Variants in CALD1 observed in about 807,000 individuals in gnomAD.
The protein encoded by CALD1 is caldesmon 1, also known as caldesmon.
In CALD1, 33 loss-of-function variants were observed where a neutral mutation model predicts 99.9. The ratio of observed to expected loss-of-function variants is 0.33; its 90% CI spans 0.25 to 0.44. The LOEUF (loss-of-function observed/expected upper bound fraction) is 0.44. Ranked by LOEUF, CALD1 falls within the 20% of genes least tolerant of loss-of-function variation. The pLI, the probability that CALD1 is intolerant of heterozygous loss-of-function variation, is 1.00. For synonymous variants in CALD1, 310 were observed against 325.0 expected (o/e 0.95, Z 0.50); for missense variants, 861 against 962.1 (o/e 0.89, Z 1.39).
At chr7:134,757,759 A>T (rs1387968133) in intron 1 of CALD1, among the ~76,000 whole-genome samples, 3 of 152,012 alleles carry the variant, frequency 2.0e-5, no homozygotes, top group Non-Finnish European at 4.4e-5. Context: ...CGCGCCTGTG[A>T]TCCCAGCTAC....
intron 12 of CALD1, 189 bp downstream of exon 12, chr7:134,960,300 C>T (rs1222103303): frequency 3.4e-5 from 24 of 714,064 alleles, no homozygotes; most frequent in East Asian, 5.4e-5. Flanking sequence ...GTACTAAGCC[C>T]GGGCCATCTT....
chr7:134,935,054 T>G (rs773219406), intron 5 of CALD1, among the ~76,000 whole-genome samples: 1 of 152,176 alleles, frequency 6.6e-6, no homozygotes, highest in African/African-American at 2.4e-5. Context: ...GCCATTAATT[T>G]AGGGTAGTAT....
intron 1 of CALD1, among the ~76,000 whole-genome samples, chr7:134,830,075 G>A (rs1487506168): frequency 6.6e-6 from 1 of 150,624 alleles, no homozygotes; most frequent in East Asian, 1.9e-4. Context: ...TGTTTGCTGA[G>A]GAAAAAAAAA....
chr7:134,879,872 C>T (rs1444914959), intron 3 of CALD1, among the ~76,000 whole-genome samples: 4 of 152,156 alleles, frequency 2.6e-5, no homozygotes, highest in Non-Finnish European at 5.9e-5. Flanking sequence ...ATTTTAATAA[C>T]TCCCTACATC....
intron 1 of CALD1, among the ~76,000 whole-genome samples, chr7:134,823,386 G>T (rs1445805447): frequency 1.3e-5 from 2 of 152,196 alleles, no homozygotes; most frequent in African/African-American, 2.4e-5. Context: ...GATTGAATAT[G>T]AATTGCCCCC....
chr7:134,726,470 TAG>T, the CALD1 span, among the ~76,000 whole-genome samples: 19,683 of 141,430 alleles, frequency 0.14, 2,121 homozygotes, highest in Non-Finnish European at 0.18. Context: ...TATATAGCTT[TAG>T]ATATATAATA....
intron 1 of CALD1, among the ~76,000 whole-genome samples, chr7:134,782,891 C>T (rs1473431976): frequency 6.6e-6 from 1 of 152,206 alleles, no homozygotes; most frequent in South Asian, 2.1e-4. Context: ...CCAGTGAATA[C>T]TGGTCTATCC....
chr7:134,800,843 A>G (rs1345148302), intron 1 of CALD1, among the ~76,000 whole-genome samples: 1 of 152,042 alleles, frequency 6.6e-6, no homozygotes. Flanking sequence ...CAAGTAAAGT[A>G]TCTTTAAATT....
chr7:134,797,013 G>A (rs544145776), intron 1 of CALD1, among the ~76,000 whole-genome samples: 1 of 151,866 alleles, frequency 6.6e-6, no homozygotes, highest in Non-Finnish European at 1.5e-5. Context: ...AATGTAGTAA[G>A]AATTTTTTTT....
chr7:134,727,357 AC>A, the CALD1 span, among the ~76,000 whole-genome samples: 1 of 152,174 alleles, frequency 6.6e-6, no homozygotes. Flanking sequence ...ACATGCCCAC[AC>A]CCGTCTTTGC....
At chr7:134,797,053 C>T (rs1314334600) in intron 1 of CALD1, among the ~76,000 whole-genome samples, 1 of 152,002 alleles carries the variant, frequency 6.6e-6, no homozygotes, top group South Asian at 2.1e-4. Context: ...GAGAAAAAGC[C>T]TTGCTCTGTC....
At chr7:134,745,978 GATA>G (rs1230475986) in intron 1 of CALD1, among the ~76,000 whole-genome samples, 1 of 152,084 alleles carries the variant, frequency 6.6e-6, no homozygotes, top group Non-Finnish European at 1.5e-5. Context: ...TGTGTGGGTC[GATA>G]AAGCCACTGC....
chr7:134,745,345 C>G (rs1329970023), intron 1 of CALD1: 1 of 151,920 alleles, frequency 6.6e-6, no homozygotes, highest in Non-Finnish European at 1.5e-5. Flanking sequence ...CCTTTTCTTC[C>G]TTTGGAACAG....
rs565198315 is a variant in CALD1 at position 134,873,966 on chromosome 7, G to A, written c.71+6162G>A. On this transcript the variant is annotated intron_variant, in intron 3 of 14. Transcript: ENST00000361675. ...TAAAAATATGAAAGGCTTGTGGATT[G>A]TTTTGCACATCATAGATGGTACAAG... Among the ~76,000 whole-genome samples the A allele has an allele frequency of 2.9e-4, 44 of 152,286 alleles. No homozygotes were observed. In the South Asian group the frequency reaches 7.7e-3, roughly 27 times the overall value.
chr7:134,823,763 A>G (rs1281996730), intron 1 of CALD1, among the ~76,000 whole-genome samples: 2 of 152,166 alleles, frequency 1.3e-5, no homozygotes, highest in Non-Finnish European at 2.9e-5. Flanking sequence ...AAAATATATC[A>G]TTTCTCAAAC....
intron 1 of CALD1, among the ~76,000 whole-genome samples, chr7:134,800,499 T>C (rs1797901883): frequency 6.6e-6 from 1 of 152,120 alleles, no homozygotes. Flanking sequence ...TTATGATTTT[T>C]ACATCTTAAA....
chr7:134,711,646 C>T, the CALD1 span, among the ~76,000 whole-genome samples: 3 of 64,054 alleles, frequency 4.7e-5, no homozygotes, highest in Admixed American at 1.9e-4. Context: ...CTCTCTCTCT[C>T]TCTCTCTCTC....
chr7:134,867,949 T>C (rs1373841453), intron 3 of CALD1, 145 bp downstream of exon 3: 1 of 446,956 alleles, frequency 2.2e-6, no homozygotes, highest in East Asian at 3.6e-5. Flanking sequence ...ATTTTTCTGC[T>C]AAGACTCTAA....
intron 1 of CALD1, among the ~76,000 whole-genome samples, chr7:134,765,239 C>G (rs539233054): frequency 6.6e-6 from 1 of 150,642 alleles, no homozygotes. Flanking sequence ...TGCTTAAGCC[C>G]GGGGGCAGAG....
Sources: allele counts gnomAD v4.1 joint callset (sites outside exome capture counted in the v4.1 genomes callset), GRCh38; gene constraint gnomAD v4.1.1; transcripts MANE v1.5; gene names NCBI Gene and HGNC (gene_info 2026-07-23, HGNC 2026-07-21).